FOCAD: variants seen among roughly 807,000 people sequenced by gnomAD.
FOCAD encodes KIAA1797.
A neutral mutation model predicts 225.6 loss-of-function variants in FOCAD; 198 were observed. The ratio of observed to expected loss-of-function variants is 0.88; its 90% confidence interval spans 0.78 to 0.99. The LOEUF is 0.99. Among genes scored for constraint, FOCAD ranks in the 50% least tolerant of loss-of-function variants. The pLI, the probability that FOCAD is intolerant of heterozygous loss-of-function variation, is 0.00. For synonymous variants in FOCAD, 897 were observed against 755.0 expected (o/e 1.19, Z -3.08); for missense variants, 2,713 against 2,123.6 (o/e 1.28, Z -5.46).
upstream of FOCAD, among the ~76,000 whole-genome samples, chr9:20,682,651 T>C (rs1822433849): frequency 6.6e-6 from 1 of 152,114 alleles, no homozygotes; most frequent in Admixed American, 6.5e-5. Context: ...GAAATACTGG[T>C]GCATTTGGAA....
At chr9:20,724,750 A>T (rs1157226080) in intron 4 of FOCAD, among the ~76,000 whole-genome samples, 1 of 152,122 alleles carries the variant, frequency 6.6e-6, no homozygotes, top group East Asian at 1.9e-4. Flanking sequence ...AAAAACCCCA[A>T]CAAAATGAGA....
chr9:20,845,005 C>T (rs1826934180), intron 15 of FOCAD, among the ~76,000 whole-genome samples: 1 of 152,072 alleles, frequency 6.6e-6, no homozygotes, highest in Admixed American at 6.6e-5. Context: ...GGCATAATCC[C>T]TTTCCGATTT....
rs1418333256 is a variant in FOCAD, at chr9:20,951,010, T to G, written c.3963T>G (p.Ser1321=). 6.2e-7 allele frequency: 1 copy of G among 1,613,352 alleles called. No individual in the cohort carries two copies. The highest frequency in any genetic ancestry group is 2.2e-5 in the East Asian group (1 of 44,872). The part of the protein sequence containing the change: ...IRTLTQVISV[S]GVIGLQSNAV... Reference sequence around the variant, plus strand: ...TTTATTTGTAGGTCATTAGTGTCTCTGGGGTGATTGGTCTCCAGTCAAATG... The same window carrying G: ...TTTATTTGTAGGTCATTAGTGTCTCGGGGGTGATTGGTCTCCAGTCAAATG... Residue 1321 remains serine (S), a synonymous_variant, in exon 34 of 44, where the codon TCT becomes TCG. Coordinates refer to ENST00000338382, the MANE Select transcript of FOCAD (RefSeq NM_001375567.1).
At chr9:20,990,670 G>T (rs987849798) in intron 42 of FOCAD, among the ~76,000 whole-genome samples, 1 of 152,184 alleles carries the variant, frequency 6.6e-6, no homozygotes, top group East Asian at 1.9e-4. Flanking sequence ...GGAGGAAAGG[G>T]TGAGTATGTC....
chr9:20,939,880 C>T (rs940504681), intron 28 of FOCAD, among the ~76,000 whole-genome samples: 5 of 150,880 alleles, frequency 3.3e-5, no homozygotes, highest in African/African-American at 1.2e-4. Context: ...TTAGGCGTAT[C>T]TCCTAATGCT....
chr9:20,759,062 G>A (rs1385943313), intron 6 of FOCAD, among the ~76,000 whole-genome samples: 1 of 152,044 alleles, frequency 6.6e-6, no homozygotes, highest in African/African-American at 2.4e-5. Context: ...ACTTACAAGG[G>A]ATATGAAGGA....
At chr9:20,787,881 A>C (rs114269435) in intron 10 of FOCAD, among the ~76,000 whole-genome samples, 1,958 of 152,206 alleles carry the variant, frequency 0.013, 50 homozygotes, top group African/African-American at 0.045. Flanking sequence ...ACTTGGGGGA[A>C]TCTTTTTATA....
rs149834453 is a variant in FOCAD at position 20,987,475 on chromosome 9, T to C, written c.4907-857T>C. 4.1e-3 allele frequency among the ~76,000 whole-genome samples: 610 copies of C among 150,606 alleles called. 5 individuals are homozygous for C. The highest frequency in any genetic ancestry group is 0.014 in the African/African-American group (588 of 40,846). On this transcript the variant is annotated intron_variant, in intron 40 of 43. Transcript: ENST00000338382. The stretch of plus-strand genomic sequence containing the variant: ...GTGAGCCAAGATCCCACCACTGCAC[T>C]CCAGCCTGGGTGACAGAGCGAGACT...
At chr9:20,845,120 A>G (rs986810245) in intron 15 of FOCAD, among the ~76,000 whole-genome samples, 2 of 152,020 alleles carry the variant, frequency 1.3e-5, no homozygotes, top group South Asian at 2.1e-4. Context: ...GGAAATGTCT[A>G]ATTTCACAAT....
chr9:20,734,614 C>T (rs578254293), intron 4 of FOCAD, among the ~76,000 whole-genome samples: 21 of 152,026 alleles, frequency 1.4e-4, no homozygotes, highest in African/African-American at 5.1e-4. Context: ...TTCTCTTCCT[C>T]TTTAAAAGAT....
chr9:20,770,317 AG>A (rs1563969450), intron 8 of FOCAD, 79 bp downstream of exon 8: 1 of 1,324,748 alleles, frequency 7.5e-7, no homozygotes, highest in Non-Finnish European at 1.1e-6. Context: ...TAAAGAAATG[AG>A]GTTTAATTGG....
intron 27 of FOCAD, among the ~76,000 whole-genome samples, chr9:20,932,206 A>G (rs1268301406): frequency 6.6e-6 from 1 of 152,110 alleles, no homozygotes; most frequent in Admixed American, 6.6e-5. Context: ...TTTGTTTTTC[A>G]TTGCAAAAAT....
At chr9:20,737,725 A>G (rs754190560) in intron 4 of FOCAD, among the ~76,000 whole-genome samples, 5 of 152,226 alleles carry the variant, frequency 3.3e-5, no homozygotes, top group Non-Finnish European at 5.9e-5. Context: ...ATGAGATTGT[A>G]TATTTCATGG....
At chr9:20,861,003 C>G (rs772444250) in intron 15 of FOCAD, among the ~76,000 whole-genome samples, 1 of 152,072 alleles carries the variant, frequency 6.6e-6, no homozygotes, top group Non-Finnish European at 1.5e-5. Flanking sequence ...TTGACTTTTG[C>G]TTTCCATTTT....
intron 15 of FOCAD, among the ~76,000 whole-genome samples, chr9:20,848,091 A>C (rs1263381121): frequency 3.3e-5 from 5 of 152,050 alleles, no homozygotes; most frequent in African/African-American, 1.2e-4. Flanking sequence ...AAGGAGATTA[A>C]TAGGTGCATA....
chr9:20,682,857 G>T (rs574257048), upstream of FOCAD, among the ~76,000 whole-genome samples: 1 of 152,212 alleles, frequency 6.6e-6, no homozygotes, highest in Admixed American at 6.5e-5. Context: ...TGCAACCTCC[G>T]CCTCCCGGGT....
intron 11 of FOCAD, among the ~76,000 whole-genome samples, chr9:20,818,291 A>G (rs1319886225): frequency 4.6e-5 from 7 of 151,988 alleles, no homozygotes; most frequent in Non-Finnish European, 5.9e-5. Context: ...TATTAGCTAT[A>G]TGGTTTGCAA....
intron 22 of FOCAD, among the ~76,000 whole-genome samples, chr9:20,908,660 G>A (rs926724754): frequency 1.3e-5 from 2 of 151,918 alleles, no homozygotes; most frequent in Admixed American, 6.6e-5. Context: ...GCAGCATCTG[G>A]GCACCCAGCA....
At chr9:20,734,127 A>G (rs1826939685) in intron 4 of FOCAD, among the ~76,000 whole-genome samples, 1 of 152,254 alleles carries the variant, frequency 6.6e-6, no homozygotes, top group Non-Finnish European at 1.5e-5. Flanking sequence ...AATGGAAGTC[A>G]GTGGTGAAAC....
Sources: gnomAD v4.1 joint callset for allele counts (sites outside exome capture counted in the v4.1 genomes callset) on GRCh38, gnomAD v4.1.1 for gene constraint, MANE v1.5 for transcripts, NCBI Gene and HGNC (gene_info 2026-07-23, HGNC 2026-07-21) for gene names.